The following KIAA1671 variants were observed in gnomAD, a reference collection of about 807,000 sequenced individuals.
The protein encoded by KIAA1671 is KIAA1671.
Under a neutral mutation model 131.2 loss-of-function variants are expected in KIAA1671, and 52 were observed. The observed-to-expected ratio is 0.40, with a 90% CI of 0.32 to 0.50. KIAA1671 has a LOEUF of 0.50. KIAA1671 is among the 20% of genes least tolerant of loss of function. KIAA1671 has a pLI of 0.73. For synonymous variants in KIAA1671, 1,003 were observed against 961.6 expected (o/e 1.04, Z -0.80); for missense variants, 2,360 against 2,364.2 (o/e 1.00, Z 0.04).
At chr22:25,180,179 A>G (rs1380665408) in intron 9 of KIAA1671, among the ~76,000 whole-genome samples, 1 of 152,246 alleles carries the variant, frequency 6.6e-6, no homozygotes, top group Non-Finnish European at 1.5e-5. Context: ...GGGCCAGATC[A>G]TGGAGATCCC....
In KIAA1671 at chr22:25,181,679, T is replaced by C; in HGVS notation, c.5075-20T>C. The C allele has an allele frequency of 6.4e-7, 1 of 1,551,198 alleles. No homozygotes were observed. The highest frequency in any genetic ancestry group is 8.7e-7 in the Non-Finnish European group (1 of 1,146,710). On this transcript the variant is annotated intron_variant, in intron 9 of 12. Transcript: ENST00000358431. ...ACATGGCAGCTGCTGATGAATTCAG[T>C]GCCCTTTTCTTTGCAACAGAGGAGA...
At chr22:25,151,076 C>G (rs927800619) in intron 6 of KIAA1671, among the ~76,000 whole-genome samples, 1 of 151,800 alleles carries the variant, frequency 6.6e-6, no homozygotes, top group African/African-American at 2.4e-5. Flanking sequence ...CCTCATGATC[C>G]GCCTGCCTCG....
intron 4 of KIAA1671, among the ~76,000 whole-genome samples, 188 bp from the exon 5 acceptor site, chr22:25,038,572 T>C (rs1412038736): frequency 2.0e-5 from 3 of 152,246 alleles, no homozygotes; most frequent in African/African-American, 7.2e-5. Flanking sequence ...ATTTATGTTC[T>C]CTCCAACAGT....
At chr22:24,989,474 T>C (rs1466734537) in intron 1 of KIAA1671, among the ~76,000 whole-genome samples, 3 of 152,150 alleles carry the variant, frequency 2.0e-5, no homozygotes, top group African/African-American at 4.8e-5. Context: ...TCTATCGCCT[T>C]CATAGCCCTG....
At chr22:24,954,466 A>G (rs1921584576) in intron 1 of KIAA1671, among the ~76,000 whole-genome samples, 1 of 152,202 alleles carries the variant, frequency 6.6e-6, no homozygotes, top group African/African-American at 2.4e-5. Flanking sequence ...CAATTACCCA[A>G]GAGAAGTGCA....
intron 6 of KIAA1671, among the ~76,000 whole-genome samples, chr22:25,164,823 C>G (rs997497463): frequency 6.6e-6 from 1 of 152,060 alleles, no homozygotes; most frequent in African/African-American, 2.4e-5. Context: ...TGGCACGCAC[C>G]TGTAGTCCCA....
intron 6 of KIAA1671, chr22:25,065,129 G>C (rs916582407): frequency 1.3e-5 from 2 of 152,370 alleles, no homozygotes; most frequent in African/African-American, 4.8e-5. Context: ...GCGCTGGTTT[G>C]GCGAGGCAGC....
chr22:24,980,822 C>T (rs976713241), intron 1 of KIAA1671, among the ~76,000 whole-genome samples: 3 of 151,980 alleles, frequency 2.0e-5, no homozygotes. Flanking sequence ...TCTCAGCTCA[C>T]TGCAACCTCC....
intron 6 of KIAA1671, chr22:25,110,267 C>CTCT (rs1830658808): frequency 1.3e-5 from 2 of 152,214 alleles, no homozygotes; most frequent in African/African-American, 2.4e-5. Context: ...GCCCTTTGAC[C>CTCT]AGTGTCTAGA....
intron 1 of KIAA1671, among the ~76,000 whole-genome samples, chr22:24,964,919 G>A (rs1023345591): frequency 6.6e-6 from 1 of 152,078 alleles, no homozygotes; most frequent in African/African-American, 2.4e-5. Flanking sequence ...GGGCAGAGCC[G>A]AAAAATCCTA....
intron 6 of KIAA1671, among the ~76,000 whole-genome samples, chr22:25,124,385 CA>C (rs1394266481): frequency 1.3e-5 from 2 of 152,226 alleles, no homozygotes; most frequent in Admixed American, 6.5e-5. Flanking sequence ...TTAAAAATTG[CA>C]GAGTTTGTGA....
At chr22:25,126,646 C>A (rs1344494241) in intron 6 of KIAA1671, among the ~76,000 whole-genome samples, 1 of 152,148 alleles carries the variant, frequency 6.6e-6, no homozygotes, top group Non-Finnish European at 1.5e-5. Context: ...CAGTTCACTT[C>A]TTTTTTTGTT....
At chr22:25,086,292 T>G (rs1929717281) in intron 6 of KIAA1671, among the ~76,000 whole-genome samples, 1 of 152,258 alleles carries the variant, frequency 6.6e-6, no homozygotes, top group Non-Finnish European at 1.5e-5. Context: ...AATGTTAATC[T>G]GAATGAGCGA....
intron 6 of KIAA1671, among the ~76,000 whole-genome samples, chr22:25,167,154 C>T (rs997367746): frequency 6.6e-6 from 1 of 152,188 alleles, no homozygotes; most frequent in Non-Finnish European, 1.5e-5. Context: ...ATCAGGTGAC[C>T]TTGCCTTGCA....
intron 1 of KIAA1671, among the ~76,000 whole-genome samples, chr22:25,005,124 C>T (rs577876021): frequency 1.3e-5 from 2 of 151,456 alleles, no homozygotes; most frequent in South Asian, 2.1e-4. Flanking sequence ...CTGACGTGAG[C>T]GGGTTACAAA....
Position 25,108,144 on chromosome 22 carries a change from G to A in KIAA1671, c.4530+58780G>A, listed in dbSNP as rs192344152. Among the ~76,000 whole-genome samples, 56 of 152,276 alleles carry A rather than the reference G, an allele frequency of 3.7e-4. No homozygotes were observed. In the East Asian group the frequency reaches 0.011, roughly 29 times the overall value. The stretch of plus-strand genomic sequence containing the variant: ...CCAGGAAATATATATCAGTTTTCAT[G>A]TCCATCTGCTGTGGACATATGTGTC... On this transcript the variant is annotated intron_variant, in intron 6 of 12. Coordinates refer to ENST00000358431, the MANE Select transcript of KIAA1671 (RefSeq NM_001145206.2).
chr22:25,118,969 C>A (rs2145925763), intron 6 of KIAA1671, among the ~76,000 whole-genome samples: 1 of 152,282 alleles, frequency 6.6e-6, no homozygotes, highest in East Asian at 1.9e-4. Context: ...CCCTGCGTTT[C>A]CCTGCACCCA....
chr22:25,077,212 T>C (rs987560681), intron 6 of KIAA1671, among the ~76,000 whole-genome samples: 2 of 152,214 alleles, frequency 1.3e-5, no homozygotes, highest in Admixed American at 6.5e-5. Flanking sequence ...ATCCTGGCCC[T>C]GTCTCTACTG....
chr22:25,100,774 G>A (rs17605341), intron 6 of KIAA1671, among the ~76,000 whole-genome samples: 11,348 of 152,268 alleles, frequency 0.075, 516 homozygotes, highest in Middle Eastern at 0.1. Context: ...GCTAGGGATT[G>A]GGTCTTTGGC....
Sources: gnomAD v4.1 joint callset for allele counts (sites outside exome capture counted in the v4.1 genomes callset) on GRCh38, gnomAD v4.1.1 for gene constraint, MANE v1.5 for transcripts, NCBI Gene and HGNC (gene_info 2026-07-23, HGNC 2026-07-21) for gene names.